SDK1: variants seen among roughly 807,000 people sequenced by gnomAD.
SDK1 encodes the protein sidekick cell adhesion molecule 1, also known as protein sidekick-1.
In SDK1, 157 loss-of-function variants were observed where a neutral mutation model predicts 245.5. That is an observed-to-expected ratio of 0.64 (90% CI 0.56 to 0.73). The LOEUF is 0.73. Ranked by LOEUF, SDK1 falls within the 30% of genes least tolerant of loss-of-function variation. The pLI is 0.00. For synonymous variants in SDK1, 1,647 were observed against 1,278.5 expected (o/e 1.29, Z -6.15); for missense variants, 3,583 against 3,002.3 (o/e 1.19, Z -4.52).
chr7:4,210,300 T>C, intron 38 of SDK1, 138 bp downstream of exon 38: 1 of 966,118 alleles, frequency 1.0e-6, no homozygotes, highest in Non-Finnish European at 1.4e-6. Flanking sequence ...TTTTGGAATC[T>C]GAGCTGGACG....
intron 1 of SDK1, among the ~76,000 whole-genome samples, chr7:3,610,667 C>G (rs1036447854): frequency 6.6e-6 from 1 of 152,216 alleles, no homozygotes; most frequent in African/African-American, 2.4e-5. Context: ...TCACTGGAAG[C>G]TTGAATGGTT....
chr7:3,821,376 C>T, intron 4 of SDK1, 74 bp from the exon 5 acceptor site: 1 of 1,512,082 alleles, frequency 6.6e-7, no homozygotes. Context: ...TATAGTTGGC[C>T]TAATTAATTT....
At chr7:4,168,198 C>A (rs957457349) in intron 32 of SDK1, among the ~76,000 whole-genome samples, 1 of 152,172 alleles carries the variant, frequency 6.6e-6, no homozygotes, top group African/African-American at 2.4e-5. Flanking sequence ...AGGAAGCCAC[C>A]CTCTGGGGGC....
intron 1 of SDK1, among the ~76,000 whole-genome samples, chr7:3,483,299 A>G (rs1444723538): frequency 2.6e-5 from 4 of 152,190 alleles, no homozygotes; most frequent in Non-Finnish European, 4.4e-5. Context: ...AGTTGTCTTC[A>G]TAAAGATCTT....
chr7:4,081,707 C>T (rs1170559878), intron 22 of SDK1, among the ~76,000 whole-genome samples: 5 of 152,198 alleles, frequency 3.3e-5, no homozygotes, highest in African/African-American at 4.8e-5. Flanking sequence ...CATGAGCCAC[C>T]GCACCTGACC....
intron 4 of SDK1, among the ~76,000 whole-genome samples, chr7:3,795,510 AG>A (rs1022473617): frequency 1.3e-5 from 2 of 152,196 alleles, no homozygotes; most frequent in Non-Finnish European, 2.9e-5. Context: ...GTGACTTTAA[AG>A]AGCAAAGCTA....
chr7:4,172,046 T>TG (rs1379085492), intron 32 of SDK1, among the ~76,000 whole-genome samples: 3 of 152,050 alleles, frequency 2.0e-5, no homozygotes, highest in Non-Finnish European at 2.9e-5. Flanking sequence ...TCTAAGGGTG[T>TG]GGGTTTGCAG....
chr7:3,582,802 A>T (rs944373090), intron 1 of SDK1, among the ~76,000 whole-genome samples: 54 of 151,420 alleles, frequency 3.6e-4, no homozygotes, highest in African/African-American at 1.3e-3. Context: ...CACGTTCTCC[A>T]GGCTCTTCAG....
chr7:4,015,392 G>A (rs568122649), intron 16 of SDK1, among the ~76,000 whole-genome samples: 1 of 152,196 alleles, frequency 6.6e-6, no homozygotes, highest in Non-Finnish European at 1.5e-5. Context: ...GCATGCCCAG[G>A]CTACTCAGGT....
intron 17 of SDK1, among the ~76,000 whole-genome samples, chr7:4,022,734 C>G (rs1787007078): frequency 1.3e-5 from 2 of 151,980 alleles, no homozygotes; most frequent in Admixed American, 6.6e-5. Context: ...GACCCCACCA[C>G]TCACTGGCCA....
intron 20 of SDK1, among the ~76,000 whole-genome samples, chr7:4,071,615 C>T (rs1780262368): frequency 6.6e-6 from 1 of 152,170 alleles, no homozygotes; most frequent in African/African-American, 2.4e-5. Context: ...TTTAATCTTG[C>T]TTTAAACCAT....
chr7:3,951,748 T>C lies in SDK1; in HGVS notation c.978T>C (p.Ser326=). 1 of 1,613,378 alleles carries C rather than the reference T, an allele frequency of 6.2e-7. No homozygotes were observed. Among genetic ancestry groups the C allele is most frequent in the South Asian group, 1.1e-5 (1 of 91,062 alleles). ...CCCACAGGCCTGTGGAGGACCTGAGTGTGACCTGGAAGAGGAATGGAGTGA... is the reference window on the plus strand; with the variant it reads ...CCCACAGGCCTGTGGAGGACCTGAGCGTGACCTGGAAGAGGAATGGAGTGA... ...IASARPVEDL[S]VTWKRNGVRI... Residue 326 remains serine (S), a synonymous_variant, in exon 7 of 45, where the codon AGT becomes AGC. Transcript: ENST00000404826.
At chr7:4,261,641 G>T (rs1788018127) in intron 44 of SDK1, among the ~76,000 whole-genome samples, 1 of 152,176 alleles carries the variant, frequency 6.6e-6, no homozygotes, top group Non-Finnish European at 1.5e-5. Context: ...ACAGAGTCAG[G>T]ATAGCTGGAG....
At chr7:3,480,514 G>A (rs546939352) in intron 1 of SDK1, among the ~76,000 whole-genome samples, 19 of 152,166 alleles carry the variant, frequency 1.2e-4, no homozygotes, top group African/African-American at 4.1e-4. Context: ...GAAGAACTTC[G>A]GTGTTCCCGA....
rs369170492 is a variant in SDK1, at chr7:4,152,100, G to A, written c.4625+2637G>A. On this transcript the variant is annotated intron_variant, in intron 30 of 44. Coordinates refer to ENST00000404826, the MANE Select transcript of SDK1 (RefSeq NM_152744.4). ...CATCTGTGAAAGGCAGGGCTGGAGC[G>A]GGGATCCTGCTGTTCCCTCCAGCTC... Among the ~76,000 whole-genome samples, 385 of 152,334 alleles carry A rather than the reference G, an allele frequency of 2.5e-3. 16 individuals carry two copies. The South Asian group carries it at 0.074, about 29-fold the overall frequency.
At chr7:3,802,778 T>A (rs1297285711) in intron 4 of SDK1, among the ~76,000 whole-genome samples, 2 of 152,214 alleles carry the variant, frequency 1.3e-5, no homozygotes, top group Non-Finnish European at 2.9e-5. Flanking sequence ...CCAAGTTGCA[T>A]GTATCAATGG....
intron 14 of SDK1, among the ~76,000 whole-genome samples, chr7:3,998,128 C>G (rs1330853773): frequency 6.6e-6 from 1 of 152,236 alleles, no homozygotes; most frequent in Non-Finnish European, 1.5e-5. Flanking sequence ...AGGGCTCCTG[C>G]CTGCTCCATG....
chr7:4,156,425 G>A (rs1780739804), intron 30 of SDK1, among the ~76,000 whole-genome samples: 1 of 152,200 alleles, frequency 6.6e-6, no homozygotes, highest in Admixed American at 6.5e-5. Flanking sequence ...TTAAAGCTGG[G>A]ACCAAGGCCA....
intron 4 of SDK1, among the ~76,000 whole-genome samples, chr7:3,805,205 TG>T (rs1482579009): frequency 6.6e-6 from 1 of 152,256 alleles, no homozygotes; most frequent in Non-Finnish European, 1.5e-5. Context: ...AGTTGTTTTT[TG>T]TATGTGTATC....
Sources: allele counts gnomAD v4.1 joint callset (sites outside exome capture counted in the v4.1 genomes callset), GRCh38; gene constraint gnomAD v4.1.1; transcripts MANE v1.5; gene names NCBI Gene and HGNC (gene_info 2026-07-23, HGNC 2026-07-21).